The following SGCZ variants were observed in gnomAD, a reference collection of about 807,000 sequenced individuals.
SGCZ encodes the protein zeta-sarcoglycan.
Under a neutral mutation model 41.3 loss-of-function variants are expected in SGCZ, and 40 were observed. That is an observed-to-expected ratio of 0.97 (90% CI 0.75 to 1.26). The LOEUF is 1.26. Among genes scored for constraint, SGCZ ranks in the 50% most tolerant of loss-of-function variants. The pLI, the probability that SGCZ is intolerant of heterozygous loss-of-function variation, is 0.00. For synonymous variants in SGCZ, 206 were observed against 137.5 expected, an observed-to-expected ratio of 1.50 and a Z score of -3.49; for missense variants, 552 against 369.8, an observed-to-expected ratio of 1.49 and a Z score of -4.04.
chr8:15,042,433 C>T (rs1010381315), intron 1 of SGCZ, among the ~76,000 whole-genome samples: 1 of 152,198 alleles, frequency 6.6e-6, no homozygotes, highest in African/African-American at 2.4e-5. Context: ...AGCTGCAGCA[C>T]TACAGGGCAC....
chr8:14,704,307 T>C (rs1256450249), intron 1 of SGCZ, among the ~76,000 whole-genome samples: 1 of 151,992 alleles, frequency 6.6e-6, no homozygotes, highest in African/African-American at 2.4e-5. Context: ...CTATTTTTTA[T>C]CCCCATCTGG....
intron 2 of SGCZ, among the ~76,000 whole-genome samples, chr8:14,388,360 T>A (rs1006994066): frequency 2.6e-5 from 4 of 151,892 alleles, no homozygotes; most frequent in African/African-American, 9.7e-5. Flanking sequence ...AGAGAATTGG[T>A]CAACAATGCC....
chr8:14,952,375 T>C (rs1321242506), intron 1 of SGCZ, among the ~76,000 whole-genome samples: 1 of 152,092 alleles, frequency 6.6e-6, no homozygotes, highest in Non-Finnish European at 1.5e-5. Flanking sequence ...GTTCAGCGGA[T>C]ACCCACATAG....
chr8:14,346,299 G>A lies in SGCZ; in HGVS notation c.235-22095C>T, dbSNP rs144249916. Reference sequence around the variant, plus strand: ...AATCTATTAATTAAAAAATTCTACTGTAGTATTTTAATATCTTTGAGATAA... The same window carrying A: ...AATCTATTAATTAAAAAATTCTACTATAGTATTTTAATATCTTTGAGATAA... On this transcript the variant is annotated intron_variant, in intron 2 of 7. Coordinates refer to ENST00000382080, the MANE Select transcript of SGCZ (RefSeq NM_139167.4). Among the ~76,000 whole-genome samples the A allele has an allele frequency of 4.3e-3, 659 of 152,122 alleles. 2 individuals are homozygous for A. The highest frequency in any genetic ancestry group is 0.014 in the African/African-American group (579 of 41,534).
At chr8:14,948,504 A>G (rs888634717) in intron 1 of SGCZ, among the ~76,000 whole-genome samples, 4 of 152,096 alleles carry the variant, frequency 2.6e-5, no homozygotes, top group African/African-American at 9.6e-5. Flanking sequence ...TCTCCGCTAG[A>G]TCAAACTATA....
intron 1 of SGCZ, among the ~76,000 whole-genome samples, chr8:14,841,240 A>C (rs1026649958): frequency 6.6e-6 from 1 of 152,158 alleles, no homozygotes; most frequent in African/African-American, 2.4e-5. Flanking sequence ...ATGTAAACTA[A>C]AGAGCAATCC....
intron 1 of SGCZ, among the ~76,000 whole-genome samples, chr8:15,201,273 TC>T (rs1800880129): frequency 6.6e-6 from 1 of 152,106 alleles, no homozygotes; most frequent in South Asian, 2.1e-4. Context: ...CACCTCAGCC[TC>T]CCAAAGTGTT....
intron 1 of SGCZ, among the ~76,000 whole-genome samples, chr8:14,769,187 C>T (rs1800145417): frequency 6.6e-6 from 1 of 151,728 alleles, no homozygotes; most frequent in Non-Finnish European, 1.5e-5. Flanking sequence ...TGGAGAAAGA[C>T]AAATAATGAT....
rs532662379 is a variant in SGCZ at position 14,921,804 on chromosome 8, T to C, written c.39+315781A>G. On this transcript the variant is annotated intron_variant, in intron 1 of 7. Coordinates refer to ENST00000382080, the MANE Select transcript of SGCZ (RefSeq NM_139167.4). ...AAGTTCACTCCTTATATAACCCGAC[T>C]TTTTTCAATTAATGGCGACTTTAGA... Among the ~76,000 whole-genome samples the C allele has an allele frequency of 2.0e-5, 3 of 152,248 alleles. No homozygotes were observed. In the South Asian group the frequency reaches 6.2e-4, roughly 32 times the overall value.
chr8:15,046,255 G>A (rs867205868), intron 1 of SGCZ, among the ~76,000 whole-genome samples: 1 of 151,990 alleles, frequency 6.6e-6, no homozygotes, highest in Non-Finnish European at 1.5e-5. Flanking sequence ...ACTGAAGAAC[G>A]AGTAAGTGCT....
At chr8:14,675,577 T>C (rs543709624) in intron 1 of SGCZ, among the ~76,000 whole-genome samples, 8 of 152,160 alleles carry the variant, frequency 5.3e-5, no homozygotes, top group South Asian at 2.1e-4. Flanking sequence ...ATATGTTAAA[T>C]TACCAAAAAA....
Position 15,207,683 on chromosome 8 carries a change from C to A in SGCZ, c.39+29902G>T, listed in dbSNP as rs77668019. Among the ~76,000 whole-genome samples, 1,157 of 152,198 alleles carry A rather than the reference C, an allele frequency of 7.6e-3. 12 individuals are homozygous for A. Among genetic ancestry groups the A allele is most frequent in the African/African-American group, 0.025 (1,034 of 41,520 alleles). The stretch of plus-strand genomic sequence containing the variant: ...GTTGTTGAAAAAGTAGAAGCAGATG[C>A]TTTCCCCATTACTCAAATAGAAAAT... On this transcript the variant is annotated intron_variant, in intron 1 of 7. Transcript: ENST00000382080.
chr8:15,232,937 C>T (rs1400738974), intron 1 of SGCZ, among the ~76,000 whole-genome samples: 4 of 151,508 alleles, frequency 2.6e-5, no homozygotes, highest in African/African-American at 7.3e-5. Flanking sequence ...AGTAACATCA[C>T]AGTATAACCC....
Position 14,253,665 on chromosome 8 carries a change from T to A in SGCZ, c.337-15986A>T, listed in dbSNP as rs148934787. 1.8e-3 allele frequency among the ~76,000 whole-genome samples: 273 copies of A among 152,240 alleles called. 9 individuals carry two copies. The East Asian group carries it at 0.033, about 19-fold the overall frequency. On this transcript the variant is annotated intron_variant, in intron 3 of 7. Transcript: ENST00000382080. ...TCTAGTAAATTTGCAGACTCTGTGT[T>A]CTGAAATAAAATCCCACATGTAACT...
At chr8:14,228,223 T>G (rs887332646) in intron 4 of SGCZ, among the ~76,000 whole-genome samples, 1 of 152,062 alleles carries the variant, frequency 6.6e-6, no homozygotes, top group Non-Finnish European at 1.5e-5. Context: ...TATATGGAAC[T>G]CCAATGCACC....
At chr8:14,950,600 G>C (rs970010057) in intron 1 of SGCZ, among the ~76,000 whole-genome samples, 2 of 151,914 alleles carry the variant, frequency 1.3e-5, no homozygotes, top group African/African-American at 4.8e-5. Context: ...AACTTGGTAA[G>C]AGAAATAATA....
intron 1 of SGCZ, among the ~76,000 whole-genome samples, chr8:14,964,949 G>C (rs532806123): frequency 6.6e-6 from 1 of 152,208 alleles, no homozygotes; most frequent in East Asian, 1.9e-4. Flanking sequence ...CACTCAACTC[G>C]CTTGTGGGAG....
chr8:14,813,690 G>A lies in SGCZ; in HGVS notation c.40-258764C>T, dbSNP rs544710392. Among the ~76,000 whole-genome samples, 9 of 152,208 alleles carry A rather than the reference G, an allele frequency of 5.9e-5. No individual in the cohort carries two copies. The South Asian group carries it at 1.2e-3, about 21-fold the overall frequency. On this transcript the variant is annotated intron_variant, in intron 1 of 7. Coordinates refer to ENST00000382080, the MANE Select transcript of SGCZ (RefSeq NM_139167.4). ...AGCAAGGCCGCGAGCAGTGGCTCAC[G>A]CCTGTAATCCCAACACTTTCGGAGA...
chr8:14,533,158 C>G (rs1219521759), intron 2 of SGCZ, among the ~76,000 whole-genome samples: 1 of 151,714 alleles, frequency 6.6e-6, no homozygotes, highest in East Asian at 2.0e-4. Context: ...CCCCACCCCA[C>G]AACAGGCCCC....
Sources: allele counts gnomAD v4.1 joint callset (sites outside exome capture counted in the v4.1 genomes callset), GRCh38; gene constraint gnomAD v4.1.1; transcripts MANE v1.5; gene names NCBI Gene and HGNC (gene_info 2026-07-23, HGNC 2026-07-21).